The following PRDM16 variants were observed in gnomAD, a reference collection of about 807,000 sequenced individuals.
The protein encoded by PRDM16 is histone-lysine N-methyltransferase PRDM16.
PRDM16 carries 23 observed loss-of-function variants against 110.6 expected under a neutral mutation model. That is an observed-to-expected ratio of 0.21 (90% confidence interval 0.15 to 0.29). PRDM16 has a LOEUF of 0.29. Ranked by LOEUF, PRDM16 falls within the 10% of genes least tolerant of loss-of-function variation. The pLI, the probability that PRDM16 is intolerant of heterozygous loss-of-function variation, is 1.00. For synonymous variants in PRDM16, 799 were observed against 781.8 expected, an observed-to-expected ratio of 1.02 and a Z score of -0.37; for missense variants, 1,615 against 1,794.3, an observed-to-expected ratio of 0.90 and a Z score of 1.81.
rs1006156494 is a variant in PRDM16, at chr1:3,434,015, A to G, written c.*204A>G. ...CAGTCGTAGAGTCTCACCATCTCCA[A>G]GGATTGGTCTTGAGAACACTGTTCA... On this transcript the variant is annotated 3_prime_UTR_variant, in exon 17 of 17. Coordinates refer to ENST00000270722, the MANE Select transcript of PRDM16 (RefSeq NM_022114.4). 2 of 583,864 alleles carry G rather than the reference A, an allele frequency of 3.4e-6. No homozygotes were observed. Among genetic ancestry groups the G allele is most frequent in the Non-Finnish European group, 6.0e-6 (2 of 334,470 alleles). The allele number at this position is 583,864 out of a possible 1,614,324, so 36.2% of individuals were successfully genotyped here. A position where few individuals can be genotyped will look rare whatever the true frequency, so the allele number is the denominator to read the frequency against.
chr1:3,200,403 T>C (rs2088886), intron 2 of PRDM16, among the ~76,000 whole-genome samples: 10,483 of 152,190 alleles, frequency 0.069, 969 homozygotes, highest in African/African-American at 0.21. Flanking sequence ...AGTGCAATGG[T>C]GCTATCTCCG....
chr1:3,217,712 C>T (rs765651921), intron 2 of PRDM16, among the ~76,000 whole-genome samples: 7 of 152,204 alleles, frequency 4.6e-5, no homozygotes, highest in Non-Finnish European at 8.8e-5. Context: ...CCGTGCATCC[C>T]GGTAGATCTT....
At chr1:3,196,571 C>T (rs569333010) in intron 2 of PRDM16, among the ~76,000 whole-genome samples, 53 of 152,278 alleles carry the variant, frequency 3.5e-4, no homozygotes, top group African/African-American at 1.1e-3. Flanking sequence ...CCAGGGTGCC[C>T]GTGGCACCAG....
intron 2 of PRDM16, among the ~76,000 whole-genome samples, chr1:3,193,861 C>T (rs1292888366): frequency 6.6e-6 from 1 of 152,132 alleles, no homozygotes; most frequent in African/African-American, 2.4e-5. Flanking sequence ...TTCGTGTTGC[C>T]TGGGGAGCAT....
intron 1 of PRDM16, among the ~76,000 whole-genome samples, chr1:3,161,440 G>A (rs537010568): frequency 3.3e-5 from 5 of 152,322 alleles, no homozygotes; most frequent in East Asian, 1.9e-4. Context: ...TTAGCGGGTC[G>A]GGCAATGGCG....
At chr1:3,162,891 G>A (rs1328303631) in intron 1 of PRDM16, among the ~76,000 whole-genome samples, 1 of 145,456 alleles carries the variant, frequency 6.9e-6, no homozygotes. Flanking sequence ...GGGGATGTGC[G>A]CAGAAGCCCC....
chr1:3,413,443 C>A (rs549278442), intron 9 of PRDM16, among the ~76,000 whole-genome samples: 5 of 152,004 alleles, frequency 3.3e-5, no homozygotes, highest in African/African-American at 1.2e-4. Context: ...TGGGGAAAGG[C>A]GAGTTTAATG....
At chr1:3,270,315 C>T (rs1406999656) in intron 3 of PRDM16, among the ~76,000 whole-genome samples, 7 of 130,426 alleles carry the variant, frequency 5.4e-5, no homozygotes, top group African/African-American at 1.2e-4. Flanking sequence ...CCCAGAGGAG[C>T]ACAGTCCAAG....
intron 1 of PRDM16, among the ~76,000 whole-genome samples, chr1:3,141,684 TAC>T (rs1643553104): frequency 6.6e-6 from 1 of 152,234 alleles, no homozygotes; most frequent in Admixed American, 6.5e-5. Context: ...AAGGAGATGA[TAC>T]ATTTTGTGGA....
chr1:3,415,224 C>T (rs146665071), intron 10 of PRDM16, among the ~76,000 whole-genome samples: 1,711 of 152,300 alleles, frequency 0.011, 19 homozygotes, highest in Non-Finnish European at 0.019. Flanking sequence ...GAGGCCACAT[C>T]CTGGGAGCAA....
chr1:3,396,647 C>T (rs557977874), intron 5 of PRDM16, 54 bp downstream of exon 5: 11 of 733,352 alleles, frequency 1.5e-5, no homozygotes, highest in African/African-American at 1.1e-4. Flanking sequence ...CCAGCCAGCC[C>T]GGAAGAGGAG....
Position 3,133,174 on chromosome 1 carries a change from G to C in PRDM16, c.38-52951G>C, listed in dbSNP as rs1643369208. 2.0e-5 allele frequency: 3 copies of C among 152,402 alleles called. No individual in the cohort carries two copies. The South Asian group carries it at 6.2e-4, about 32-fold the overall frequency. 9.4% of individuals were successfully genotyped at this position (152,402 alleles called of 1,614,324 possible). On this transcript the variant is annotated intron_variant, in intron 1 of 16. Transcript: ENST00000270722. The stretch of plus-strand genomic sequence containing the variant: ...GGCTTCTGGTGGTGGAGTGCAGCTG[G>C]TCAGATGCCTGGGAGACTCAGGTTC...
At chr1:3,172,483 C>T (rs914850153) in intron 1 of PRDM16, among the ~76,000 whole-genome samples, 1 of 152,188 alleles carries the variant, frequency 6.6e-6, no homozygotes, top group Non-Finnish European at 1.5e-5. Flanking sequence ...AGACGGCACA[C>T]GCATGTTCAC....
Position 3,243,978 on chromosome 1 carries a change from C to T in PRDM16, c.388-109C>T. ...CTGCTGTGGAGAAGCCACTGGGTCC[C>T]ACCCTGTGACTTTTGGGGACAGTGG... On this transcript the variant is annotated intron_variant, in intron 2 of 16. Coordinates refer to ENST00000270722, the MANE Select transcript of PRDM16 (RefSeq NM_022114.4). The surrounding 1 kb of genome is among the most constrained non-coding windows in gnomAD (Gnocchi z 5.5). 1.8e-6 allele frequency: 2 copies of T among 1,083,688 alleles called. No homozygotes were observed. The highest frequency in any genetic ancestry group is 2.8e-6 in the Non-Finnish European group (2 of 703,536). 67.1% of individuals were successfully genotyped at this position (1,083,688 alleles called of 1,614,324 possible). A position where few individuals can be genotyped will look rare whatever the true frequency, so the allele number is the denominator to read the frequency against.
chr1:3,102,668 T>C (rs1284349108), intron 1 of PRDM16, among the ~76,000 whole-genome samples: 1 of 152,206 alleles, frequency 6.6e-6, no homozygotes, highest in Non-Finnish European at 1.5e-5. Flanking sequence ...GGCTTTGCAG[T>C]TATCTCCAGC....
At chr1:3,264,697 G>A (rs1426601617) in intron 3 of PRDM16, among the ~76,000 whole-genome samples, 1 of 151,942 alleles carries the variant, frequency 6.6e-6, no homozygotes, top group African/African-American at 2.4e-5. Flanking sequence ...CCAGGAGGGA[G>A]GCAGGGGAGG....
rs1274240711 is a variant in PRDM16 at position 3,359,782 on chromosome 1, G to A, written c.439-25370G>A. On this transcript the variant is annotated intron_variant, in intron 3 of 16. Transcript: ENST00000270722. The surrounding 1 kb of genome is among the most constrained non-coding windows in gnomAD (Gnocchi z 4.3). Reference sequence around the variant, plus strand: ...CTCAGCGGCAGCCAGAAGGCAAGGCGGGAAAAACGAGCCTGGCCTGAAACC... The same window carrying A: ...CTCAGCGGCAGCCAGAAGGCAAGGCAGGAAAAACGAGCCTGGCCTGAAACC... 2.6e-5 allele frequency among the ~76,000 whole-genome samples: 4 copies of A among 151,956 alleles called. No homozygotes were observed. Among genetic ancestry groups the A allele is most frequent in the Admixed American group, 6.5e-5 (1 of 15,278 alleles).
In PRDM16 at chr1:3,284,972, G is replaced by A. The variant is rs1382896061; in HGVS notation, c.438+40835G>A. Among the ~76,000 whole-genome samples, 10 of 152,202 alleles carry A rather than the reference G, an allele frequency of 6.6e-5. 1 individual carries two copies. Among genetic ancestry groups the A allele is most frequent in the Non-Finnish European group, 2.9e-5 (2 of 68,034 alleles). ...GAGTGACCTGCTCCCCTCTGGGCCCGGGCTTTCGGAGGCGAATGTTGGTAG... is the reference window on the plus strand; with the variant it reads ...GAGTGACCTGCTCCCCTCTGGGCCCAGGCTTTCGGAGGCGAATGTTGGTAG... On this transcript the variant is annotated intron_variant, in intron 3 of 16. Transcript: ENST00000270722.
Position 3,349,050 on chromosome 1 carries a change from C to T in PRDM16, c.439-36102C>T, listed in dbSNP as rs568843281. 1.4e-4 allele frequency among the ~76,000 whole-genome samples: 22 copies of T among 152,282 alleles called. No homozygotes were observed. The South Asian group carries it at 1.5e-3, about 10-fold the overall frequency. On this transcript the variant is annotated intron_variant, in intron 3 of 16. Coordinates refer to ENST00000270722, the MANE Select transcript of PRDM16 (RefSeq NM_022114.4). ...GGGTGGGGGCGGGGCCCAGCATGGC[C>T]GGAGAGGCTGGGGCTTTGTAATAAT...
Sources: gnomAD v4.1 joint callset for allele counts (sites outside exome capture counted in the v4.1 genomes callset) on GRCh38, gnomAD v4.1.1 for gene constraint, Gnocchi (gnomAD v3.1) non-coding constraint, MANE v1.5 for transcripts, NCBI Gene and HGNC (gene_info 2026-07-23, HGNC 2026-07-21) for gene names.